The following GRIA4 variants were observed in gnomAD, a reference collection of about 807,000 sequenced individuals.
GRIA4 encodes the protein glutamate receptor 4.
GRIA4 carries 34 observed loss-of-function variants against 104.0 expected under a neutral mutation model. That is an observed-to-expected ratio of 0.33 (90% confidence interval 0.25 to 0.44). The LOEUF (loss-of-function observed/expected upper bound fraction) is 0.44. GRIA4 is among the 20% of genes least tolerant of loss of function. GRIA4 has a pLI of 1.00. For synonymous variants in GRIA4, 386 were observed against 381.9 expected (o/e 1.01, Z -0.13); for missense variants, 750 against 1,096.5 (o/e 0.68, Z 4.46).
chr11:105,662,870 C>T (rs1050192810), intron 3 of GRIA4, among the ~76,000 whole-genome samples: 1 of 151,858 alleles, frequency 6.6e-6, no homozygotes, highest in Non-Finnish European at 1.5e-5. Flanking sequence ...CAGAAGGGCC[C>T]TCTGTGTTCT....
chr11:105,889,407 C>T (rs1351745999), intron 6 of GRIA4, among the ~76,000 whole-genome samples: 1 of 152,120 alleles, frequency 6.6e-6, no homozygotes, highest in African/African-American at 2.4e-5. Flanking sequence ...CTGCCATGGA[C>T]ATACATTATA....
intron 4 of GRIA4, among the ~76,000 whole-genome samples, chr11:105,781,687 T>C (rs1941734819): frequency 1.3e-5 from 2 of 152,120 alleles, no homozygotes; most frequent in African/African-American, 4.8e-5. Context: ...ACAGTTCTTT[T>C]AACAATCATT....
chr11:105,894,339 C>A (rs1946565893), intron 6 of GRIA4, among the ~76,000 whole-genome samples: 1 of 151,880 alleles, frequency 6.6e-6, no homozygotes, highest in Admixed American at 6.6e-5. Flanking sequence ...TGCTGGATGG[C>A]TTTGAATAGC....
intron 5 of GRIA4, among the ~76,000 whole-genome samples, chr11:105,873,569 C>T (rs1169900537): frequency 6.6e-6 from 1 of 152,160 alleles, no homozygotes; most frequent in Non-Finnish European, 1.5e-5. Context: ...CATTTCTCCA[C>T]ATCCTCGCCA....
chr11:105,918,691 G>A, intron 10 of GRIA4, 21 bp from the exon 11 acceptor site: 1 of 1,154,336 alleles, frequency 8.7e-7, no homozygotes, highest in Non-Finnish European at 1.3e-6. Context: ...CTCCTTTACA[G>A]TTCTACTTCT....
At chr11:105,804,102 T>C (rs572281589) in intron 4 of GRIA4, among the ~76,000 whole-genome samples, 20 of 152,074 alleles carry the variant, frequency 1.3e-4, no homozygotes, top group African/African-American at 4.1e-4. Context: ...GCTGCATTTA[T>C]TTAACATGCA....
intron 3 of GRIA4, among the ~76,000 whole-genome samples, chr11:105,636,966 C>G (rs748094665): frequency 7.9e-5 from 12 of 152,100 alleles, no homozygotes; most frequent in South Asian, 6.2e-4. Context: ...TTGGTTTTAA[C>G]AGAACAATTA....
At chr11:105,643,711 G>T (rs1951437520) in intron 3 of GRIA4, among the ~76,000 whole-genome samples, 1 of 151,858 alleles carries the variant, frequency 6.6e-6, no homozygotes. Flanking sequence ...TTTTTTGGTG[G>T]TGTTGTTTTT....
Position 105,955,085 on chromosome 11 carries a change from A to C in GRIA4, c.2295-16829A>C, listed in dbSNP as rs367558788. On this transcript the variant is annotated intron_variant, in intron 14 of 16. Coordinates refer to ENST00000282499, the MANE Select transcript of GRIA4 (RefSeq NM_000829.4). ...TTAATTAAGGGTGAGAATTGTTTTA[A>C]AGCTTTTGTTGTATAAAGCCAAATT... Among the ~76,000 whole-genome samples the C allele has an allele frequency of 8.2e-4, 124 of 151,944 alleles. 3 individuals are homozygous for C. In the South Asian group the frequency reaches 0.02, roughly 25 times the overall value.
At chr11:105,833,610 A>G (rs1241304658) in intron 4 of GRIA4, among the ~76,000 whole-genome samples, 2 of 152,054 alleles carry the variant, frequency 1.3e-5, no homozygotes, top group South Asian at 2.1e-4. Flanking sequence ...TGAACTTCAA[A>G]TAAATTCCAA....
At chr11:105,836,571 T>A (rs1265861047) in intron 4 of GRIA4, among the ~76,000 whole-genome samples, 5 of 152,148 alleles carry the variant, frequency 3.3e-5, no homozygotes, top group Non-Finnish European at 7.3e-5. Flanking sequence ...GGCTTCAACC[T>A]CAGCACACTT....
At chr11:105,722,151 C>G (rs1416272779) in intron 3 of GRIA4, among the ~76,000 whole-genome samples, 2 of 152,068 alleles carry the variant, frequency 1.3e-5, no homozygotes, top group Non-Finnish European at 2.9e-5. Flanking sequence ...CCCTCTACTG[C>G]TATATTATTG....
At chr11:105,632,248 A>C (rs894452824) in intron 3 of GRIA4, among the ~76,000 whole-genome samples, 2 of 152,144 alleles carry the variant, frequency 1.3e-5, no homozygotes, top group Non-Finnish European at 2.9e-5. Flanking sequence ...ATCTCTTATA[A>C]TTTCTTACTG....
At chr11:105,927,008 TATACC>T (rs1947726255) in intron 13 of GRIA4, 69 bp downstream of exon 13, 1 of 970,800 alleles carries the variant, frequency 1.0e-6, no homozygotes, top group Admixed American at 2.0e-5. Flanking sequence ...TTCCAACAAT[TATACC>T]ATGGGCTTTA....
At chr11:105,933,323 A>G (rs1469309733) in intron 13 of GRIA4, among the ~76,000 whole-genome samples, 1 of 152,180 alleles carries the variant, frequency 6.6e-6, no homozygotes, top group Non-Finnish European at 1.5e-5. Context: ...GGAATTTTAC[A>G]AACTTGAAAT....
intron 3 of GRIA4, among the ~76,000 whole-genome samples, chr11:105,740,210 G>C (rs1939219940): frequency 6.6e-6 from 1 of 152,164 alleles, no homozygotes; most frequent in Non-Finnish European, 1.5e-5. Flanking sequence ...TTCACAAAGA[G>C]TCATTATACT....
At chr11:105,697,956 G>A (rs1056708191) in intron 3 of GRIA4, among the ~76,000 whole-genome samples, 1 of 152,252 alleles carries the variant, frequency 6.6e-6, no homozygotes, top group African/African-American at 2.4e-5. Flanking sequence ...ACCTTTAAGT[G>A]CCTTTTCTTA....
chr11:105,812,203 T>C (rs1281900520), intron 4 of GRIA4, among the ~76,000 whole-genome samples: 2 of 152,224 alleles, frequency 1.3e-5, no homozygotes, highest in Admixed American at 1.3e-4. Context: ...CTTTGTTTTC[T>C]CTGCATGATT....
chr11:105,800,232 G>A lies in GRIA4; in HGVS notation c.487+47012G>A, dbSNP rs373707580. Reference sequence around the variant, plus strand: ...ACTGCAGTTTTTGCCAATGTCAAAGGTATAAACATGAGAGTGAGTGACTAC... The same window carrying A: ...ACTGCAGTTTTTGCCAATGTCAAAGATATAAACATGAGAGTGAGTGACTAC... On this transcript the variant is annotated intron_variant, in intron 4 of 16. Transcript: ENST00000282499. Among the ~76,000 whole-genome samples, 3 of 152,004 alleles carry A rather than the reference G, an allele frequency of 2.0e-5. No homozygotes were observed. The East Asian group carries it at 5.8e-4, about 29-fold the overall frequency.
Sources: gnomAD v4.1 joint callset for allele counts (sites outside exome capture counted in the v4.1 genomes callset) on GRCh38, gnomAD v4.1.1 for gene constraint, MANE v1.5 for transcripts, NCBI Gene and HGNC (gene_info 2026-07-23, HGNC 2026-07-21) for gene names.